The following WSCD1 variants were observed in gnomAD, a reference collection of about 807,000 sequenced individuals.
The protein encoded by WSCD1 is sialate:O-sulfotransferase 1.
WSCD1 carries 41 observed loss-of-function variants against 60.4 expected under a neutral mutation model. That is an observed-to-expected ratio of 0.68 (90% CI 0.53 to 0.88). WSCD1 has a LOEUF of 0.88. Among genes scored for constraint, WSCD1 ranks in the 40% least tolerant of loss-of-function variants. The pLI, the probability that WSCD1 is intolerant of heterozygous loss-of-function variation, is 0.00. For missense variants in WSCD1, 784 were observed against 796.2 expected (o/e 0.98, Z 0.18); for synonymous variants, 361 against 332.5 (o/e 1.09, Z -0.93).
At position 6,118,121 on chromosome 17, in the gene WSCD1, G is replaced by A. The variant is rs754408514; in HGVS notation, c.1308G>A (p.Val436=). The A allele has an allele frequency of 6.2e-7, 1 of 1,614,216 alleles. No individual in the cohort carries two copies. The highest frequency in any genetic ancestry group is 8.5e-7 in the Non-Finnish European group (1 of 1,180,028). Residue 436 remains valine (V), a synonymous_variant, in exon 8 of 9, where the codon GTG becomes GTA. Coordinates refer to ENST00000317744, the MANE Select transcript of WSCD1 (RefSeq NM_015253.2). This position sits in a 1 kb window ranked among gnomAD's most constrained non-coding sequence, Gnocchi z 5.8. ...LLIRNPYRSL[V]AEFNRKCAGH... is the part of the protein sequence containing the mutation. ...TCCGGAACCCATACAGGTCCCTGGTGGCAGAATTCAACAGAAAATGTGCCG... is the reference window on the plus strand; with the variant it reads ...TCCGGAACCCATACAGGTCCCTGGTAGCAGAATTCAACAGAAAATGTGCCG...
Position 6,118,115 on chromosome 17 carries a change from C to T in WSCD1, c.1302C>T (p.Ser434=). ...AILLIRNPYR[S]LVAEFNRKCA... Reference sequence around the variant, plus strand: ...TGCTAATCCGGAACCCATACAGGTCCCTGGTGGCAGAATTCAACAGAAAAT... The same window carrying T: ...TGCTAATCCGGAACCCATACAGGTCTCTGGTGGCAGAATTCAACAGAAAAT... The change falls in exon 8 of 9, where the codon TCC becomes TCT. Residue 434 remains serine (S), a synonymous_variant. Transcript: ENST00000317744. The surrounding 1 kb of genome is among the most constrained non-coding windows in gnomAD (Gnocchi z 5.8). 6.2e-7 allele frequency: 1 copy of T among 1,614,194 alleles called. No homozygotes were observed. The highest frequency in any genetic ancestry group is 8.5e-7 in the Non-Finnish European group (1 of 1,180,026).
At chr17:6,119,706 G>C (rs925023211) in intron 8 of WSCD1, among the ~76,000 whole-genome samples, 2 of 152,118 alleles carry the variant, frequency 1.3e-5, no homozygotes, top group African/African-American at 4.8e-5. Context: ...TTCTGAGCCT[G>C]TTTTCTCACA....
upstream of WSCD1, among the ~76,000 whole-genome samples, chr17:6,069,650 A>G (rs1373893339): frequency 6.6e-6 from 1 of 151,754 alleles, no homozygotes; most frequent in Non-Finnish European, 1.5e-5. Flanking sequence ...TAGGGCTGCA[A>G]TTCTGTGTAG....
intron 5 of WSCD1, among the ~76,000 whole-genome samples, chr17:6,106,549 T>C (rs530031194): frequency 4.9e-4 from 74 of 152,290 alleles, no homozygotes; most frequent in African/African-American, 1.7e-3. Context: ...CATTCCAGTA[T>C]AGATAAAACG....
Position 6,100,612 on chromosome 17 carries a change from G to A in WSCD1, c.849+5389G>A, listed in dbSNP as rs181226603. ...ATTCTGACTTCACTCTAGAGCAGGG[G>A]TTCACAGCCTTGGATCTGTTGGCAT... On this transcript the variant is annotated intron_variant, in intron 5 of 8. Coordinates refer to ENST00000317744, the MANE Select transcript of WSCD1 (RefSeq NM_015253.2). Among the ~76,000 whole-genome samples, 65 of 152,334 alleles carry A rather than the reference G, an allele frequency of 4.3e-4. 1 individual carries two copies. The highest frequency in any genetic ancestry group is 1.5e-3 in the African/African-American group (63 of 41,572).
At chr17:6,073,739 A>C (rs1014178457) in intron 1 of WSCD1, among the ~76,000 whole-genome samples, 2 of 152,260 alleles carry the variant, frequency 1.3e-5, no homozygotes, top group Admixed American at 6.5e-5. Flanking sequence ...GAAAGGAAAA[A>C]TGCCGGCCCC....
chr17:6,079,967 C>G (rs989191209), intron 1 of WSCD1, among the ~76,000 whole-genome samples: 3 of 152,150 alleles, frequency 2.0e-5, no homozygotes, highest in African/African-American at 7.2e-5. Context: ...GATATGATAT[C>G]TCTAGGTTGT....
intron 2 of WSCD1, among the ~76,000 whole-genome samples, chr17:6,083,537 G>A (rs1023035132): frequency 2.0e-5 from 3 of 152,196 alleles, no homozygotes; most frequent in African/African-American, 7.2e-5. Flanking sequence ...GAGCCACCAC[G>A]CCCAGCCGAG....
intron 5 of WSCD1, among the ~76,000 whole-genome samples, chr17:6,108,858 C>G (rs1049561789): frequency 6.6e-6 from 1 of 152,192 alleles, no homozygotes; most frequent in Admixed American, 6.5e-5. Context: ...CAGAGTGAGA[C>G]GACTCCTCTC....
rs1904857919 is a variant in WSCD1, at chr17:6,123,895, A to G, written c.*3234A>G. 6.6e-6 allele frequency: 1 copy of G among 152,172 alleles called. No homozygotes were observed. Among genetic ancestry groups the G allele is most frequent in the South Asian group, 2.1e-4 (1 of 4,818 alleles). 9.4% of individuals were successfully genotyped at this position (152,172 alleles called of 1,614,324 possible). On this transcript the variant is annotated 3_prime_UTR_variant, in exon 9 of 9. Coordinates refer to ENST00000317744, the MANE Select transcript of WSCD1 (RefSeq NM_015253.2). ...TGCCATCTTGGACAAAGCTTTTCCCATCTCCAGTCTCAGTTTCCCATCCAT... is the reference window on the plus strand; with the variant it reads ...TGCCATCTTGGACAAAGCTTTTCCCGTCTCCAGTCTCAGTTTCCCATCCAT...
At chr17:6,105,103 G>A (rs1484244070) in intron 5 of WSCD1, among the ~76,000 whole-genome samples, 1 of 152,154 alleles carries the variant, frequency 6.6e-6, no homozygotes, top group South Asian at 2.1e-4. Context: ...CAAGCCTCCC[G>A]CATGTGGATC....
chr17:6,110,515 A>G lies in WSCD1; in HGVS notation c.1010-256A>G, dbSNP rs573830504. Reference sequence around the variant, plus strand: ...GGCCATAGAGACAGAATGGGAGTCGAGGGTCCATAGGGTGTCTGATTCCCA... The same window carrying G: ...GGCCATAGAGACAGAATGGGAGTCGGGGGTCCATAGGGTGTCTGATTCCCA... On this transcript the variant is annotated intron_variant, in intron 6 of 8. Transcript: ENST00000317744. This position sits in a 1 kb window ranked among gnomAD's most constrained non-coding sequence, Gnocchi z 4.8. 1.3e-5 allele frequency among the ~76,000 whole-genome samples: 2 copies of G among 152,292 alleles called. No individual in the cohort carries two copies. The highest frequency in any genetic ancestry group is 3.9e-4 in the East Asian group (2 of 5,188).
chr17:6,120,427 G>A lies in WSCD1; in HGVS notation c.1494G>A (p.Val498=), dbSNP rs1475148112. 4 of 1,614,114 alleles carry A rather than the reference G, an allele frequency of 2.5e-6. No individual in the cohort carries two copies. The highest frequency in any genetic ancestry group is 1.6e-4 in the Middle Eastern group (1 of 6,062). The part of the protein sequence containing the change: ...VHYEELRRSL[V]PTLREMVAFL... ...ACGAGGAGCTGCGGCGCAGCCTGGT[G>A]CCCACGTTACGGGAGATGGTGGCCT... Residue 498 remains valine, a synonymous_variant, in exon 9 of 9, where the codon GTG becomes GTA. Transcript: ENST00000317744.
chr17:6,074,701 A>C (rs1167081827), intron 1 of WSCD1, among the ~76,000 whole-genome samples: 2 of 151,780 alleles, frequency 1.3e-5, no homozygotes. Context: ...GAGCCGTGAG[A>C]TGGGGCACAA....
intron 5 of WSCD1, among the ~76,000 whole-genome samples, chr17:6,097,960 T>TC (rs1414371967): frequency 1.3e-5 from 2 of 151,784 alleles, no homozygotes; most frequent in Admixed American, 6.6e-5. Context: ...TTCTTTTTTT[T>TC]TTTTTTTTGA....
At chr17:6,088,898 T>C (rs1366365780) in intron 3 of WSCD1, among the ~76,000 whole-genome samples, 1 of 151,834 alleles carries the variant, frequency 6.6e-6, no homozygotes, top group Non-Finnish European at 1.5e-5. Context: ...TTCGCCTGCC[T>C]CAGCCTCCCG....
At chr17:6,091,238 A>G (rs1231207000) in intron 4 of WSCD1, among the ~76,000 whole-genome samples, 2 of 152,230 alleles carry the variant, frequency 1.3e-5, no homozygotes, top group African/African-American at 4.8e-5. Flanking sequence ...ATAATCAGAA[A>G]ATTCCCTAAC....
intron 1 of WSCD1, among the ~76,000 whole-genome samples, chr17:6,077,663 C>T (rs187002827): frequency 3.3e-5 from 5 of 152,328 alleles, no homozygotes; most frequent in Non-Finnish European, 7.3e-5. Flanking sequence ...GACCACTCCT[C>T]ACCCCAGCCC....
intron 2 of WSCD1, among the ~76,000 whole-genome samples, chr17:6,087,772 A>T (rs1057485882): frequency 1.5e-4 from 23 of 152,250 alleles, no homozygotes; most frequent in Non-Finnish European, 2.9e-4. Flanking sequence ...ACAGTGGGCC[A>T]TTAAAAAAGA....
Sources: gnomAD v4.1 joint callset for allele counts (sites outside exome capture counted in the v4.1 genomes callset) on GRCh38, gnomAD v4.1.1 for gene constraint, Gnocchi (gnomAD v3.1) non-coding constraint, MANE v1.5 for transcripts, NCBI Gene and HGNC (gene_info 2026-07-23, HGNC 2026-07-21) for gene names.